RAD9B: variants seen among roughly 807,000 people sequenced by gnomAD.
RAD9B encodes the protein cell cycle checkpoint control protein RAD9B.
A neutral mutation model predicts 48.3 loss-of-function variants in RAD9B; 41 were observed. The ratio of observed to expected loss-of-function variants is 0.85; its 90% CI spans 0.66 to 1.10. RAD9B has a LOEUF of 1.10. RAD9B is among the 50% of genes least tolerant of loss of function. RAD9B has a pLI of 0.00. For missense variants in RAD9B, 444 were observed against 485.1 expected, an observed-to-expected ratio of 0.92 and a Z score of 0.80; for synonymous variants, 160 against 157.9, an observed-to-expected ratio of 1.01 and a Z score of -0.10.
chr12:110,515,425 C>G (rs1489600340), intron 6 of RAD9B, among the ~76,000 whole-genome samples: 1 of 152,152 alleles, frequency 6.6e-6, no homozygotes, highest in Non-Finnish European at 1.5e-5. Context: ...TTTTGGGAGG[C>G]TGAGGCAGGT....
intron 4 of RAD9B, among the ~76,000 whole-genome samples, chr12:110,510,227 T>A (rs1438054553): frequency 1.3e-5 from 2 of 152,242 alleles, no homozygotes; most frequent in African/African-American, 4.8e-5. Flanking sequence ...TTTATTTTCT[T>A]GCTATCTATC....
chr12:110,525,770 A>C (rs2063917594), intron 10 of RAD9B, among the ~76,000 whole-genome samples: 1 of 152,184 alleles, frequency 6.6e-6, no homozygotes, highest in Non-Finnish European at 1.5e-5. Flanking sequence ...GGCTCACTGC[A>C]ACCTCTGCCA....
At chr12:110,512,144 C>CACA (rs1362895733) in intron 4 of RAD9B, among the ~76,000 whole-genome samples, 5 of 141,018 alleles carry the variant, frequency 3.5e-5, no homozygotes, top group Middle Eastern at 3.8e-3. Flanking sequence ...CGTGCCTGGC[C>CACA]TTTTTTTTTT....
intron 6 of RAD9B, among the ~76,000 whole-genome samples, chr12:110,515,519 G>A (rs1435056433): frequency 6.6e-6 from 1 of 152,104 alleles, no homozygotes; most frequent in East Asian, 1.9e-4. Context: ...AAATTAGCTG[G>A]GTGTGGTGGC....
chr12:110,508,174 T>C (rs2063351354), intron 4 of RAD9B: 2 of 169,214 alleles, frequency 1.2e-5, no homozygotes, highest in Non-Finnish European at 2.9e-5. Context: ...CACTTATTAG[T>C]TTTGGGACAG....
chr12:110,520,628 C>CTTTTTTTTTTTTTTTTTTTTTTGTTTTTT (rs71083129), intron 9 of RAD9B, among the ~76,000 whole-genome samples: 1 of 99,968 alleles, frequency 1.0e-5, no homozygotes, highest in Non-Finnish European at 1.8e-5. Context: ...TTCTTGCTTT[C>CTTTTTTTTTTTTTTTTTTTTTTGTTTTTT]TTTTTTTTTT....
Position 110,522,100 on chromosome 12 carries a change from C to A in RAD9B, c.891-77C>A, listed in dbSNP as rs937334029. 5.2e-5 allele frequency: 48 copies of A among 931,954 alleles called. 2 individuals are homozygous for A. The South Asian group carries it at 7.6e-4, about 15-fold the overall frequency. The allele number at this position is 931,954 out of a possible 1,614,324, so 57.7% of individuals were successfully genotyped here. A position where few individuals can be genotyped will look rare whatever the true frequency, so the allele number is the denominator to read the frequency against. On this transcript the variant is annotated intron_variant, in intron 9 of 10. Coordinates refer to ENST00000409300, the MANE Select transcript of RAD9B (RefSeq NM_001286535.2). ...CTAATCCAGTGCTATCATTGTCATCCCACATTGTCCATTAGTTATATAAAA... is the reference window on the plus strand; with the variant it reads ...CTAATCCAGTGCTATCATTGTCATCACACATTGTCCATTAGTTATATAAAA...
chr12:110,512,986 T>C, intron 5 of RAD9B, 108 bp downstream of exon 5: 2 of 618,710 alleles, frequency 3.2e-6, no homozygotes, highest in South Asian at 1.8e-5. Context: ...TTTTTTTTTA[T>C]ATGGAGTCTC....
rs565609332 is a variant in RAD9B, at chr12:110,516,430, A to G, written c.595+1274A>G. 2.6e-3 allele frequency among the ~76,000 whole-genome samples: 397 copies of G among 152,156 alleles called. 4 individuals are homozygous for G. The highest frequency in any genetic ancestry group is 0.019 in the South Asian group (91 of 4,826). ...TCTAGTTGTTTAATCTTATTATTAA[A>G]CTTCTTCTATGCTAGTATATTAGGA... On this transcript the variant is annotated intron_variant, in intron 6 of 10. Transcript: ENST00000409300.
rs1565901800 is a variant in RAD9B at position 110,526,331 on chromosome 12, G to A, written c.1125+3920G>A. On this transcript the variant is annotated intron_variant, in intron 10 of 10. Transcript: ENST00000409300. ...TTCCTCCATTAGATTACTAGACATG[G>A]AGAAGGGCCCCATTATCCAGCCATA... Among the ~76,000 whole-genome samples, 6 of 152,172 alleles carry A rather than the reference G, an allele frequency of 3.9e-5. No homozygotes were observed. In the South Asian group the frequency reaches 1.2e-3, roughly 32 times the overall value.
Position 110,522,415 on chromosome 12 carries a change from A to G in RAD9B, c.1125+4A>G. The G allele has an allele frequency of 6.3e-7, 1 of 1,589,126 alleles. No homozygotes were observed. The highest frequency in any genetic ancestry group is 1.1e-5 in the South Asian group (1 of 88,038). On this transcript the variant is annotated splice_donor_region_variant and intron_variant, in intron 10 of 10. Transcript: ENST00000409300. ...AGGGTCTCTGTGTCTCAGAAAGGTAAAAGCATTGAGATTCAACCACATCTC... is the reference window on the plus strand; with the variant it reads ...AGGGTCTCTGTGTCTCAGAAAGGTAGAAGCATTGAGATTCAACCACATCTC...
At chr12:110,504,153 T>A (rs1028712527) in intron 2 of RAD9B, among the ~76,000 whole-genome samples, 4 of 151,878 alleles carry the variant, frequency 2.6e-5, no homozygotes, top group South Asian at 2.1e-4. Context: ...TTTTTTTTTT[T>A]AATTTGAAAT....
intron 5 of RAD9B, among the ~76,000 whole-genome samples, chr12:110,513,715 ATTATTATTATTATTATTATTATTT>A (rs1050048194): frequency 1.4e-5 from 2 of 146,366 alleles, no homozygotes; most frequent in African/African-American, 5.0e-5. Flanking sequence ...TATTATTATT[ATTATTATTATTATTATTATTATTT>A]TTGAGACAGA....
rs1273391573 is a variant in RAD9B at position 110,513,734 on chromosome 12, TTA to T, written c.488+858_488+859del. ...ATTATTATTATTATTATTATTATTA[TTA>T]TTTTTGAGACAGAGTCTCCCTCTGT... On this transcript the variant is annotated intron_variant, in intron 5 of 10. Transcript: ENST00000409300. 2.8e-4 allele frequency among the ~76,000 whole-genome samples: 35 copies of T among 123,248 alleles called. No homozygotes were observed. In the South Asian group the frequency reaches 4.3e-3, roughly 15 times the overall value. 80.9% of individuals were successfully genotyped at this position (123,248 alleles called of 152,430 possible).
intron 10 of RAD9B, 125 bp from the exon 11 acceptor site, chr12:110,530,400 A>G: frequency 1.1e-6 from 1 of 874,892 alleles, no homozygotes. Context: ...GTGTTCTGTG[A>G]ACCATCACCA....
At chr12:110,506,998 C>G (rs1451068889) in intron 4 of RAD9B, among the ~76,000 whole-genome samples, 2 of 152,042 alleles carry the variant, frequency 1.3e-5, no homozygotes, top group African/African-American at 4.8e-5. Context: ...TGCCATCATG[C>G]CCAGCTAATT....
At position 110,530,950 on chromosome 12, in the gene RAD9B, C is replaced by G; in HGVS notation, c.*297C>G. The G allele has an allele frequency of 9.3e-7, 1 of 1,076,644 alleles. No individual in the cohort carries two copies. Among genetic ancestry groups the G allele is most frequent in the Non-Finnish European group, 1.1e-6 (1 of 888,328 alleles). The allele number at this position is 1,076,644 out of a possible 1,614,324, so 66.7% of individuals were successfully genotyped here. On this transcript the variant is annotated 3_prime_UTR_variant, in exon 11 of 11. Coordinates refer to ENST00000409300, the MANE Select transcript of RAD9B (RefSeq NM_001286535.2). ...TGCACGTTCACCCTAGAGCTTTTAA[C>G]ATCTTTGCTAGTTTTATAAAGGTAT...
intron 9 of RAD9B, among the ~76,000 whole-genome samples, chr12:110,520,518 T>G (rs1412348270): frequency 1.3e-5 from 2 of 150,040 alleles, no homozygotes; most frequent in Non-Finnish European, 3.0e-5. Context: ...GGCCTTTAGT[T>G]TTTTTTTTTG....
Position 110,519,870 on chromosome 12 carries a change from A to C in RAD9B, c.844A>C (p.Arg282=). The change falls in exon 9 of 11, where the codon AGA becomes CGA. Residue 282 remains arginine (R), a synonymous_variant. Coordinates refer to ENST00000409300, the MANE Select transcript of RAD9B (RefSeq NM_001286535.2). The part of the protein sequence containing the change: ...ILATLADEQS[R]ASSPQSLCLS... ...GGCCACATTAGCTGATGAACAAAGT[A>C]GAGCATCTTCACCACAGTCACTGTG... The C allele has an allele frequency of 1.2e-6, 2 of 1,613,324 alleles. No homozygotes were observed. The highest frequency in any genetic ancestry group is 2.2e-5 in the South Asian group (2 of 90,868).
Sources: allele counts gnomAD v4.1 joint callset (sites outside exome capture counted in the v4.1 genomes callset), GRCh38; gene constraint gnomAD v4.1.1; transcripts MANE v1.5; gene names NCBI Gene and HGNC (gene_info 2026-07-23, HGNC 2026-07-21).